Variants in TRAF5 observed in about 807,000 individuals in gnomAD.
TRAF5 encodes TNF receptor-associated factor 5.
In TRAF5, 48 loss-of-function variants were observed where a neutral mutation model predicts 64.5. The observed-to-expected ratio is 0.74, with a 90% CI of 0.59 to 0.95. The LOEUF is 0.95. Ranked by LOEUF, TRAF5 falls within the 40% of genes least tolerant of loss-of-function variation. The pLI is 0.00. For synonymous variants in TRAF5, 206 were observed against 240.5 expected, an observed-to-expected ratio of 0.86 and a Z score of 1.33; for missense variants, 545 against 662.8, an observed-to-expected ratio of 0.82 and a Z score of 1.95.
intron 1 of TRAF5, among the ~76,000 whole-genome samples, chr1:211,341,452 A>G (rs553504113): frequency 2.0e-5 from 3 of 152,316 alleles, no homozygotes; most frequent in Admixed American, 6.5e-5. Flanking sequence ...CTAACATAAT[A>G]TGCTTTCCCA....
In TRAF5 at chr1:211,350,218, C is replaced by CT. The variant is rs1238641704; in HGVS notation, c.-1-3009dup. Among the ~76,000 whole-genome samples the CT allele has an allele frequency of 1.8e-3, 249 of 135,500 alleles. 1 individual carries two copies. Among genetic ancestry groups the CT allele is most frequent in the African/African-American group, 3.3e-3 (123 of 36,832 alleles). 88.9% of individuals were successfully genotyped at this position (135,500 alleles called of 152,430 possible). On this transcript the variant is annotated intron_variant, in intron 1 of 10. Coordinates refer to ENST00000261464, the MANE Select transcript of TRAF5 (RefSeq NM_001033910.3). ...ACCCCAGGCTTTTTTTTTTTTCTTT[C>CT]TTTTTTTTTTTTGAGACAGGGTCTC...
chr1:211,355,963 C>T (rs1337887127), intron 3 of TRAF5, among the ~76,000 whole-genome samples: 1 of 152,158 alleles, frequency 6.6e-6, no homozygotes. Flanking sequence ...TGTTTGCCGA[C>T]TCCTGGTTTG....
Position 211,332,139 on chromosome 1 carries a change from G to T in TRAF5, c.-2+5250G>T, listed in dbSNP as rs537240392. Among the ~76,000 whole-genome samples, 21 of 152,328 alleles carry T rather than the reference G, an allele frequency of 1.4e-4. No homozygotes were observed. In the South Asian group the frequency reaches 4.3e-3, roughly 32 times the overall value. On this transcript the variant is annotated intron_variant, in intron 1 of 10. Coordinates refer to ENST00000261464, the MANE Select transcript of TRAF5 (RefSeq NM_001033910.3). The stretch of plus-strand genomic sequence containing the variant: ...GCAGCCTCAGAGGCTGGGGCCCCAT[G>T]GACCAGGTTTCAAGGGCAGGAGTCT...
chr1:211,362,926 C>T (rs1332170498), intron 7 of TRAF5, among the ~76,000 whole-genome samples: 1 of 152,006 alleles, frequency 6.6e-6, no homozygotes, highest in Non-Finnish European at 1.5e-5. Context: ...TGTTAATAAC[C>T]TACTCAACTT....
rs1476181371 is a variant in TRAF5 at position 211,372,411 on chromosome 1, A to G, written c.1383A>G (p.Leu461=). ...DGSGRGSHLS[L]YFVVMRGEFD... ...CAGGGAGGGGGTCACACCTGTCCCT[A>G]TACTTTGTGGTCATGCGAGGAGAGT... Residue 461 remains leucine, a synonymous_variant, in exon 11 of 11, where the codon CTA becomes CTG. Coordinates refer to ENST00000261464, the MANE Select transcript of TRAF5 (RefSeq NM_001033910.3). The G allele has an allele frequency of 2.5e-6, 4 of 1,614,034 alleles. No homozygotes were observed. The highest frequency in any genetic ancestry group is 2.2e-5 in the East Asian group (1 of 44,896).
chr1:211,359,953 T>C lies in TRAF5; in HGVS notation c.420T>C (p.Ser140=). The C allele has an allele frequency of 1.2e-6, 2 of 1,614,068 alleles. No homozygotes were observed. Among genetic ancestry groups the C allele is most frequent in the Non-Finnish European group, 1.7e-6 (2 of 1,179,916 alleles). Residue 140 remains serine (S), a synonymous_variant, in exon 5 of 11, where the codon TCT becomes TCC. Transcript: ENST00000261464. ...QQCLFQPVQC[S]NEKCREPVLR... ...GCTTATTTCAACCTGTGCAGTGTTC[T>C]AATGAGAAGTGCCGGGAGCCAGTCC...
At chr1:211,327,039 C>CGAGGCGGCGGCTGGGCCGGGG (rs1702033684) in intron 1 of TRAF5, 150 bp downstream of exon 1, 1 of 689,856 alleles carries the variant, frequency 1.4e-6, no homozygotes, top group Non-Finnish European at 1.8e-6. Flanking sequence ...GGGGAGGGCG[C>CGAGGCGGCGGCTGGGCCGGGG]GAGGCGGCGG....
chr1:211,339,161 G>C (rs951269954), intron 1 of TRAF5, among the ~76,000 whole-genome samples: 2 of 152,234 alleles, frequency 1.3e-5, no homozygotes, highest in Non-Finnish European at 2.9e-5. Context: ...TTAACAACTT[G>C]AGGCCTCGGA....
chr1:211,328,474 T>A (rs1424163771), intron 1 of TRAF5, among the ~76,000 whole-genome samples: 1 of 152,172 alleles, frequency 6.6e-6, no homozygotes, highest in East Asian at 1.9e-4. Flanking sequence ...CTGAGAGGCC[T>A]GTTGTGACGG....
chr1:211,365,352 C>T (rs770573113), intron 7 of TRAF5, 24 bp from the exon 8 acceptor site: 1 of 1,602,850 alleles, frequency 6.2e-7, no homozygotes, highest in Admixed American at 1.7e-5. Flanking sequence ...AGCAACCTGA[C>T]TTATTTTTCT....
chr1:211,365,014 A>G (rs1042563523), intron 7 of TRAF5, among the ~76,000 whole-genome samples: 3 of 151,956 alleles, frequency 2.0e-5, no homozygotes, highest in Non-Finnish European at 4.4e-5. Context: ...CTCTACTAAA[A>G]ATACAAAAAT....
Position 211,326,877 on chromosome 1 carries a change from C to A in TRAF5, c.-14C>A. 1 of 985,120 alleles carries A rather than the reference C, an allele frequency of 1.0e-6. No homozygotes were observed. Among genetic ancestry groups the A allele is most frequent in the Non-Finnish European group, 1.2e-6 (1 of 829,572 alleles). The allele number at this position is 985,120 out of a possible 1,614,324, so 61.0% of individuals were successfully genotyped here. ...GCAGACCGGCCTCGCGGAGCCCGCG[C>A]GCCGAGCCCCACGTGAGTCCGGCGG... On this transcript the variant is annotated 5_prime_UTR_variant, in exon 1 of 11. Coordinates refer to ENST00000261464, the MANE Select transcript of TRAF5 (RefSeq NM_001033910.3). The surrounding 1 kb of genome is among the most constrained non-coding windows in gnomAD (Gnocchi z 5.0).
chr1:211,338,730 T>G (rs1702371027), intron 1 of TRAF5, among the ~76,000 whole-genome samples: 1 of 152,154 alleles, frequency 6.6e-6, no homozygotes, highest in African/African-American at 2.4e-5. Flanking sequence ...GTTCAAGCGA[T>G]TCTCCTGCCT....
At chr1:211,340,255 C>T (rs1038231190) in intron 1 of TRAF5, among the ~76,000 whole-genome samples, 19 of 152,134 alleles carry the variant, frequency 1.2e-4, no homozygotes, top group African/African-American at 3.1e-4. Context: ...GCCTCATTCA[C>T]TTTACGAGTG....
In TRAF5 at chr1:211,372,916, ATTAT is replaced by A. The variant is rs1703586778; in HGVS notation, c.*219_*222del. 24 of 420,434 alleles carry A rather than the reference ATTAT, an allele frequency of 5.7e-5. 1 individual carries two copies. In the South Asian group the frequency reaches 1.3e-3, roughly 23 times the overall value. 26.0% of individuals were successfully genotyped at this position (420,434 alleles called of 1,614,324 possible). Reference sequence around the variant, plus strand: ...CTTAAAACTCTTAGAATATTCTCTTATTATTTATATTTTTATATTTCTTGAAAGA... The same window carrying A: ...CTTAAAACTCTTAGAATATTCTCTTATTATATTTTTATATTTCTTGAAAGA... On this transcript the variant is annotated 3_prime_UTR_variant, in exon 11 of 11. Coordinates refer to ENST00000261464, the MANE Select transcript of TRAF5 (RefSeq NM_001033910.3).
chr1:211,330,074 T>G (rs961334241), intron 1 of TRAF5, among the ~76,000 whole-genome samples: 102 of 152,222 alleles, frequency 6.7e-4, no homozygotes, highest in Admixed American at 6.7e-3. Flanking sequence ...TCAGTCTGTT[T>G]ACAGTGACAG....
chr1:211,370,264 T>C (rs1703479265), intron 9 of TRAF5, among the ~76,000 whole-genome samples: 1 of 152,032 alleles, frequency 6.6e-6, no homozygotes, highest in Admixed American at 6.5e-5. Flanking sequence ...ATTATAAAAT[T>C]TATAGTGAAA....
At chr1:211,333,625 G>A (rs1462800569) in intron 1 of TRAF5, among the ~76,000 whole-genome samples, 1 of 152,106 alleles carries the variant, frequency 6.6e-6, no homozygotes, top group Admixed American at 6.6e-5. Flanking sequence ...AGCCCCCCGA[G>A]TAGCTGAGAT....
At position 211,353,264 on chromosome 1, in the gene TRAF5, G is replaced by C. The variant is rs774718087; in HGVS notation, c.25G>C (p.Gly9Arg). ...AATGGCTTATTCAGAAGAGCATAAA[G>C]GTATGCCCTGTGGTTTCATCCGCCA... MAYSEEHK[G>R]MPCGFIRQNS... is the part of the protein sequence containing the mutation. Residue 9 changes from glycine to arginine, a missense_variant, in exon 2 of 11, where the codon GGT (glycine) becomes CGT (arginine). By Grantham distance (125) the Gly-to-Arg change is moderately radical. Coordinates refer to ENST00000261464, the MANE Select transcript of TRAF5 (RefSeq NM_001033910.3). 6.2e-7 allele frequency: 1 copy of C among 1,614,230 alleles called. No homozygotes were observed. The highest frequency in any genetic ancestry group is 1.7e-5 in the Admixed American group (1 of 60,026).
Sources: allele counts gnomAD v4.1 joint callset (sites outside exome capture counted in the v4.1 genomes callset), GRCh38; gene constraint gnomAD v4.1.1; non-coding constraint Gnocchi (gnomAD v3.1); transcripts MANE v1.5; gene names NCBI Gene and HGNC (gene_info 2026-07-23, HGNC 2026-07-21).